GRID1: variants seen among roughly 807,000 people sequenced by gnomAD.
GRID1 encodes the protein glutamate ionotropic receptor delta type subunit 1.
In GRID1, 28 loss-of-function variants were observed where a neutral mutation model predicts 98.0. The ratio of observed to expected loss-of-function variants is 0.29; its 90% CI spans 0.21 to 0.39. The LOEUF is 0.39. Among genes scored for constraint, GRID1 ranks in the 10% least tolerant of loss-of-function variants. GRID1 has a pLI of 1.00. For missense variants in GRID1, 1,111 were observed against 1,340.5 expected (o/e 0.83, Z 2.67); for synonymous variants, 553 against 538.5 (o/e 1.03, Z -0.37).
intron 2 of GRID1, among the ~76,000 whole-genome samples, chr10:86,357,903 T>G (rs1231263833): frequency 6.6e-6 from 1 of 152,124 alleles, no homozygotes; most frequent in African/African-American, 2.4e-5. Context: ...AAGATTGACT[T>G]CAACGAGGGC....
At chr10:85,612,953 T>G in intron 15 of GRID1, 2 of 154,534 alleles carry the variant, frequency 1.3e-5, no homozygotes, top group African/African-American at 2.5e-5. Flanking sequence ...GAGAAAGGAG[T>G]GCTGGGAGGG....
At chr10:85,713,869 T>C (rs1358773796) in intron 12 of GRID1, among the ~76,000 whole-genome samples, 2 of 151,952 alleles carry the variant, frequency 1.3e-5, no homozygotes, top group African/African-American at 2.4e-5. Flanking sequence ...ATAAAGGCTA[T>C]ATATGAAGCC....
At chr10:86,221,916 C>CCTCCTT (rs1304317278) in intron 2 of GRID1, among the ~76,000 whole-genome samples, 1 of 151,482 alleles carries the variant, frequency 6.6e-6, no homozygotes, top group Non-Finnish European at 1.5e-5. Context: ...TCCTCCTCCT[C>CCTCCTT]CTCACCCGGA....
intron 4 of GRID1, among the ~76,000 whole-genome samples, chr10:86,013,673 C>A (rs1842946115): frequency 1.3e-5 from 2 of 152,202 alleles, no homozygotes; most frequent in Admixed American, 1.3e-4. Context: ...AACTTTCTGT[C>A]TCTGAGCTAC....
chr10:85,788,969 C>G (rs1842454275), intron 8 of GRID1, among the ~76,000 whole-genome samples: 1 of 152,170 alleles, frequency 6.6e-6, no homozygotes, highest in South Asian at 2.1e-4. Flanking sequence ...TCTTGCATCT[C>G]TGCCCTCATT....
chr10:85,952,933 TATG>T (rs1175038124), intron 4 of GRID1, among the ~76,000 whole-genome samples: 1 of 152,234 alleles, frequency 6.6e-6, no homozygotes, highest in Non-Finnish European at 1.5e-5. Flanking sequence ...TAAAAACATT[TATG>T]ATGATTATTT....
intron 13 of GRID1, among the ~76,000 whole-genome samples, chr10:85,627,936 C>T (rs949558354): frequency 2.6e-5 from 4 of 152,180 alleles, no homozygotes; most frequent in Admixed American, 2.0e-4. Flanking sequence ...GTCACTCCCC[C>T]ACCTTCACCA....
At chr10:86,207,725 G>A (rs1002406594) in intron 2 of GRID1, among the ~76,000 whole-genome samples, 2 of 135,678 alleles carry the variant, frequency 1.5e-5, no homozygotes, top group Non-Finnish European at 3.0e-5. Context: ...TCCGCCTCCC[G>A]GGTTCACGCC....
At chr10:86,148,266 A>AC (rs927194552) in intron 3 of GRID1, among the ~76,000 whole-genome samples, 12 of 152,246 alleles carry the variant, frequency 7.9e-5, no homozygotes, top group Non-Finnish European at 1.2e-4. Flanking sequence ...GTGTACATGC[A>AC]CAATGGAATG....
intron 2 of GRID1, among the ~76,000 whole-genome samples, chr10:86,331,561 T>C (rs1362554669): frequency 1.3e-5 from 2 of 152,124 alleles, no homozygotes; most frequent in African/African-American, 4.8e-5. Context: ...ACCAGTGCCC[T>C]CCACTGGACA....
rs564609594 is a variant in GRID1, at chr10:86,256,008, T to C, written c.236-49360A>G. On this transcript the variant is annotated intron_variant, in intron 2 of 15. Transcript: ENST00000327946. ...CCAGGGTCATTCGGATCACAGCCCT[T>C]GCCTTTCCTTAAAATACAGGCATGA... Among the ~76,000 whole-genome samples, 41 of 152,328 alleles carry C rather than the reference T, an allele frequency of 2.7e-4. 1 individual carries two copies. In the South Asian group the frequency reaches 6.2e-3, roughly 23 times the overall value.
chr10:86,076,832 C>T (rs554380061), intron 4 of GRID1, among the ~76,000 whole-genome samples: 1 of 147,184 alleles, frequency 6.8e-6, no homozygotes, highest in African/African-American at 2.5e-5. Context: ...TTTGGCCTTC[C>T]TTGGCTTGTG....
At position 85,613,620 on chromosome 10, in the gene GRID1, G is replaced by A. The variant is rs139855051; in HGVS notation, c.2388C>T (p.Asp796=). The change falls in exon 15 of 16, where the codon GAC becomes GAT. Residue 796 remains aspartate (D), a synonymous_variant. Transcript: ENST00000327946. Reference sequence around the variant, plus strand: ...ACCACTTCTGCTTCAGCACATCCAGGTCCCCTGTGTCCTGCAGCTCCAGGA... The same window carrying A: ...ACCACTTCTGCTTCAGCACATCCAGATCCCCTGTGTCCTGCAGCTCCAGGA... ...QRILELQDTG[D]LDVLKQKWWP... The A allele has an allele frequency of 1.4e-3, 2,195 of 1,613,946 alleles. 3 individuals carry two copies. Among genetic ancestry groups the A allele is most frequent in the Non-Finnish European group, 1.5e-3 (1,732 of 1,179,872 alleles).
At chr10:86,022,917 CAA>C (rs34518403) in intron 4 of GRID1, among the ~76,000 whole-genome samples, 22 of 112,728 alleles carry the variant, frequency 2.0e-4, no homozygotes, top group Admixed American at 1.9e-4. Context: ...GACTCCATCT[CAA>C]AAAAAAAAAA....
At chr10:86,303,640 A>T (rs554489053) in intron 2 of GRID1, among the ~76,000 whole-genome samples, 1 of 152,364 alleles carries the variant, frequency 6.6e-6, no homozygotes, top group Non-Finnish European at 1.5e-5. Flanking sequence ...GAGCCACCTA[A>T]TGGACATCGC....
chr10:86,000,387 G>A (rs886921455), intron 4 of GRID1, among the ~76,000 whole-genome samples: 2 of 152,090 alleles, frequency 1.3e-5, no homozygotes, highest in African/African-American at 4.8e-5. Context: ...TGGTCTATAG[G>A]TAACAAAATC....
At chr10:85,677,974 C>A (rs531967375) in intron 12 of GRID1, among the ~76,000 whole-genome samples, 2 of 152,192 alleles carry the variant, frequency 1.3e-5, no homozygotes, top group East Asian at 3.9e-4. Flanking sequence ...CCTGTGTCTA[C>A]AGAAGAAGGG....
intron 4 of GRID1, among the ~76,000 whole-genome samples, chr10:85,993,819 T>G (rs1374264857): frequency 6.6e-6 from 1 of 152,170 alleles, no homozygotes; most frequent in Non-Finnish European, 1.5e-5. Flanking sequence ...AGGAGAATTG[T>G]GCCTAGGAGA....
At chr10:85,848,037 T>C (rs1843023407) in intron 8 of GRID1, among the ~76,000 whole-genome samples, 1 of 152,174 alleles carries the variant, frequency 6.6e-6, no homozygotes, top group African/African-American at 2.4e-5. Flanking sequence ...CCAATAATTA[T>C]ACTTTAAAAT....
Sources: allele counts gnomAD v4.1 joint callset (sites outside exome capture counted in the v4.1 genomes callset), GRCh38; gene constraint gnomAD v4.1.1; transcripts MANE v1.5; gene names NCBI Gene and HGNC (gene_info 2026-07-23, HGNC 2026-07-21).